Variants in UTRN observed in about 807,000 individuals in gnomAD.
UTRN encodes the protein utrophin, also known as dystrophin-related protein 1.
A neutral mutation model predicts 463.9 loss-of-function variants in UTRN; 283 were observed. That is an observed-to-expected ratio of 0.61 (90% CI 0.55 to 0.67). The LOEUF (loss-of-function observed/expected upper bound fraction) is 0.67, where lower values mean the gene tolerates loss of function less well. Among genes scored for constraint, UTRN ranks in the 30% least tolerant of loss-of-function variants. The pLI, the probability that UTRN is intolerant of heterozygous loss-of-function variation, is 0.00. For missense variants in UTRN, 3,922 were observed against 4,084.3 expected, an observed-to-expected ratio of 0.96 and a Z score of 1.08; for synonymous variants, 1,442 against 1,431.5, an observed-to-expected ratio of 1.01 and a Z score of -0.17.
intron 64 of UTRN, 140 bp downstream of exon 64, chr6:144,798,130 A>G: frequency 2.7e-6 from 3 of 1,108,404 alleles, no homozygotes; most frequent in Non-Finnish European, 3.8e-6. Flanking sequence ...TGTCTCATCT[A>G]TCTAAAAGTA....
At chr6:144,450,757 A>G (rs552239884) in intron 17 of UTRN, among the ~76,000 whole-genome samples, 3 of 152,218 alleles carry the variant, frequency 2.0e-5, no homozygotes, top group Non-Finnish European at 4.4e-5. Context: ...TCTGGTTTTT[A>G]TTATCTATAA....
At chr6:144,368,626 T>C (rs542877815) in intron 2 of UTRN, among the ~76,000 whole-genome samples, 5 of 152,050 alleles carry the variant, frequency 3.3e-5, no homozygotes, top group African/African-American at 9.6e-5. Flanking sequence ...ATGCAAAAAT[T>C]AGCTGGGTGT....
At chr6:144,716,132 A>G (rs1449800643) in intron 53 of UTRN, among the ~76,000 whole-genome samples, 1 of 152,164 alleles carries the variant, frequency 6.6e-6, no homozygotes, top group African/African-American at 2.4e-5. Context: ...TCTTTTCTCT[A>G]TCTTAATACT....
At chr6:144,300,001 G>A (rs887069569) in intron 2 of UTRN, among the ~76,000 whole-genome samples, 1 of 151,938 alleles carries the variant, frequency 6.6e-6, no homozygotes, top group African/African-American at 2.4e-5. Context: ...TGATTTTTAT[G>A]TGAAGATGAA....
intron 51 of UTRN, among the ~76,000 whole-genome samples, chr6:144,644,531 A>ATATAAAG (rs1484223977): frequency 6.6e-6 from 1 of 152,228 alleles, no homozygotes; most frequent in Non-Finnish European, 1.5e-5. Context: ...CAGCCATAAA[A>ATATAAAG]TATAAAGTAT....
chr6:144,393,072 T>C (rs1467367593), intron 2 of UTRN, among the ~76,000 whole-genome samples: 1 of 152,030 alleles, frequency 6.6e-6, no homozygotes, highest in African/African-American at 2.4e-5. Context: ...TCCATCCCTT[T>C]ATCTTAGAAA....
At chr6:144,452,163 G>A (rs932453008) in intron 18 of UTRN, among the ~76,000 whole-genome samples, 12 of 152,264 alleles carry the variant, frequency 7.9e-5, no homozygotes, top group Admixed American at 3.3e-4. Context: ...TCTCCAGTTC[G>A]ATGGTGACTT....
At position 144,516,374 on chromosome 6, in the gene UTRN, A is replaced by C. The variant is rs1795607546; in HGVS notation, c.5390A>C (p.Asp1797Ala). Residue 1797 changes from aspartate to alanine, a missense_variant, in exon 38 of 75, where the codon GAT becomes GCT. This residue lies in a region of UTRN where 2,349 missense variants were observed against 2,303.8 expected (regional missense o/e 1.02). Coordinates refer to ENST00000367545, the MANE Select transcript of UTRN (RefSeq NM_007124.3). The part of the protein sequence containing the change: ...KFVEKHLESS[D>A]EDEKMDEESA... ...GTGGAAAAACACTTGGAATCCAGTG[A>C]TGAAGATGAAAAGGTTGGTTCAAGG... 1.2e-6 allele frequency: 2 copies of C among 1,612,972 alleles called. No homozygotes were observed. The highest frequency in any genetic ancestry group is 1.3e-5 in the African/African-American group (1 of 74,952).
intron 25 of UTRN, among the ~76,000 whole-genome samples, chr6:144,479,514 T>C (rs1184720599): frequency 2.0e-5 from 3 of 152,228 alleles, no homozygotes; most frequent in South Asian, 4.1e-4. Flanking sequence ...TTTACTGTTA[T>C]AGATTAGATT....
In UTRN at chr6:144,575,099, A is replaced by G. The variant is rs118130528; in HGVS notation, c.7290-2000A>G. The stretch of plus-strand genomic sequence containing the variant: ...CCGTTTTAACATGAAGTAATGTCTC[A>G]TTGTGGTTTGAATTTACATTTCTCT... On this transcript the variant is annotated intron_variant, in intron 50 of 74. Transcript: ENST00000367545. Among the ~76,000 whole-genome samples, 840 of 152,216 alleles carry G rather than the reference A, an allele frequency of 5.5e-3. 7 individuals are homozygous for G. Among genetic ancestry groups the G allele is most frequent in the Non-Finnish European group, 9.1e-3 (622 of 68,020 alleles).
At chr6:144,813,281 C>T (rs980907447) in intron 65 of UTRN, among the ~76,000 whole-genome samples, 1 of 152,038 alleles carries the variant, frequency 6.6e-6, no homozygotes, top group Admixed American at 6.5e-5. Flanking sequence ...CTCTGCCTCC[C>T]GGGTTCAAGT....
At chr6:144,585,153 A>C (rs1266119827) in intron 51 of UTRN, among the ~76,000 whole-genome samples, 1 of 152,128 alleles carries the variant, frequency 6.6e-6, no homozygotes, top group African/African-American at 2.4e-5. Flanking sequence ...TTCTACCGCA[A>C]ATAGGCACAA....
intron 2 of UTRN, among the ~76,000 whole-genome samples, chr6:144,377,038 TTTTG>T (rs1780525246): frequency 6.6e-6 from 1 of 152,212 alleles, no homozygotes; most frequent in East Asian, 1.9e-4. Flanking sequence ...TCACTTCTTT[TTTTG>T]TTTGTTTGTT....
At chr6:144,689,505 C>G (rs1783100562) in intron 52 of UTRN, among the ~76,000 whole-genome samples, 1 of 152,184 alleles carries the variant, frequency 6.6e-6, no homozygotes, top group African/African-American at 2.4e-5. Flanking sequence ...GTGGAGCACT[C>G]CCTCTTTCCC....
intron 2 of UTRN, among the ~76,000 whole-genome samples, chr6:144,324,678 C>G (rs1775866814): frequency 6.6e-6 from 1 of 152,176 alleles, no homozygotes; most frequent in African/African-American, 2.4e-5. Context: ...GAGAGCAGAA[C>G]TTACAGTTAA....
In UTRN at chr6:144,645,413, A is replaced by G. The variant is rs575284476; in HGVS notation, c.7480-32993A>G. 1.6e-3 allele frequency among the ~76,000 whole-genome samples: 239 copies of G among 152,320 alleles called. 1 individual carries two copies. Among genetic ancestry groups the G allele is most frequent in the Non-Finnish European group, 1.8e-3 (120 of 68,018 alleles). Reference sequence around the variant, plus strand: ...GATGTCTTTAAATTCACTGGCTTCAAAGATAACTTCTGCATTATTCCTTGG... The same window carrying G: ...GATGTCTTTAAATTCACTGGCTTCAGAGATAACTTCTGCATTATTCCTTGG... On this transcript the variant is annotated intron_variant, in intron 51 of 74. Coordinates refer to ENST00000367545, the MANE Select transcript of UTRN (RefSeq NM_007124.3).
intron 54 of UTRN, among the ~76,000 whole-genome samples, chr6:144,732,903 G>C (rs1788915017): frequency 6.6e-6 from 1 of 152,048 alleles, no homozygotes; most frequent in Non-Finnish European, 1.5e-5. Flanking sequence ...GAATCTCATT[G>C]TGTTGCCTAG....
In UTRN at chr6:144,285,700, C is replaced by T. The variant is rs1166167467; in HGVS notation, c.-214C>T. ...TATTTTTTTTTTTAAATACATCGCA[C>T]CACCAAACTAACACTCGCACACACC... On this transcript the variant is annotated 5_prime_UTR_variant, in exon 1 of 75. Coordinates refer to ENST00000367545, the MANE Select transcript of UTRN (RefSeq NM_007124.3). 1 of 152,024 alleles carries T rather than the reference C, an allele frequency of 6.6e-6. No homozygotes were observed. Among genetic ancestry groups the T allele is most frequent in the Non-Finnish European group, 1.5e-5 (1 of 68,020 alleles). The allele number at this position is 152,024 out of a possible 1,614,324, so 9.4% of individuals were successfully genotyped here.
chr6:144,315,640 G>A (rs1172582057), intron 2 of UTRN, among the ~76,000 whole-genome samples: 5 of 152,226 alleles, frequency 3.3e-5, no homozygotes, highest in African/African-American at 1.2e-4. Context: ...ACAGTCTGAT[G>A]GACACACTAC....
Sources: allele counts gnomAD v4.1 joint callset (sites outside exome capture counted in the v4.1 genomes callset), GRCh38; gene constraint gnomAD v4.1.1; regional missense constraint gnomAD v4.1.1; transcripts MANE v1.5; gene names NCBI Gene and HGNC (gene_info 2026-07-23, HGNC 2026-07-21).